The following THAP9 variants were observed in gnomAD, a reference collection of about 807,000 sequenced individuals.
THAP9 encodes DNA transposase THAP9.
THAP9 carries 20 observed loss-of-function variants against 35.7 expected under a neutral mutation model. The observed-to-expected ratio is 0.56, with a 90% CI of 0.39 to 0.81. The LOEUF (loss-of-function observed/expected upper bound fraction) is 0.81, where lower values mean the gene tolerates loss of function less well. Ranked by LOEUF, THAP9 falls within the 40% of genes least tolerant of loss-of-function variation. THAP9 has a pLI of 0.00. For synonymous variants in THAP9, 335 were observed against 373.7 expected (o/e 0.90, Z 1.19); for missense variants, 870 against 1,047.4 (o/e 0.83, Z 2.34).
At chr4:82,900,966 G>T (rs1720320082) in intron 1 of THAP9, 84 bp downstream of exon 1, 1 of 1,497,574 alleles carries the variant, frequency 6.7e-7, no homozygotes, top group South Asian at 1.2e-5. Context: ...GGGCCGGGCC[G>T]CACTGTGGGT....
intron 4 of THAP9, among the ~76,000 whole-genome samples, chr4:82,915,179 T>C (rs1720996115): frequency 6.6e-6 from 1 of 152,224 alleles, no homozygotes; most frequent in Admixed American, 6.5e-5. Context: ...TTTTGTCTTC[T>C]AAATAGATTA....
At position 82,917,802 on chromosome 4, in the gene THAP9, ACTTAAAGGGCCT is replaced by A; in HGVS notation, c.1593_1604del (p.Lys532_Leu535del). The A allele has an allele frequency of 6.2e-7, 1 of 1,613,910 alleles. No homozygotes were observed. The highest frequency in any genetic ancestry group is 2.2e-5 in the East Asian group (1 of 44,876). ...ATAGTAGGAACTGTTATGGAAAGGG[ACTTAAAGGGCCT>A]CTGTTGCCTGAAACTTACAGTAAAA... is the stretch of plus-strand genomic sequence containing the variant. On this transcript the variant is annotated inframe_deletion, in exon 5 of 5. Coordinates refer to ENST00000302236, the MANE Select transcript of THAP9 (RefSeq NM_024672.6).
intron 2 of THAP9, among the ~76,000 whole-genome samples, chr4:82,905,646 T>C (rs1479435220): frequency 2.0e-5 from 3 of 152,188 alleles, no homozygotes; most frequent in African/African-American, 7.2e-5. Flanking sequence ...TATTAACTGA[T>C]TTGTACATTT....
chr4:82,905,986 C>G (rs1437140093), intron 2 of THAP9: 4 of 458,368 alleles, frequency 8.7e-6, no homozygotes, highest in Non-Finnish European at 1.7e-5. Context: ...GCACAAATAA[C>G]TTCTCTGTCA....
intron 4 of THAP9, among the ~76,000 whole-genome samples, chr4:82,909,674 A>G (rs544995843): frequency 1.4e-4 from 21 of 152,200 alleles, no homozygotes; most frequent in Non-Finnish European, 2.6e-4. Flanking sequence ...GTTTTTTCAT[A>G]TATTTTGATG....
In THAP9 at chr4:82,917,703, C is replaced by A; in HGVS notation, c.1491C>A (p.Asp497Glu). 6.2e-7 allele frequency: 1 copy of A among 1,613,134 alleles called. No homozygotes were observed. The highest frequency in any genetic ancestry group is 8.5e-7 in the Non-Finnish European group (1 of 1,179,516). The change falls in exon 5 of 5, where the codon GAC becomes GAA. Residue 497 changes from aspartate (D) to glutamate (E), a missense_variant. By Grantham distance (45) the Asp-to-Glu change is conservative. Coordinates refer to ENST00000302236, the MANE Select transcript of THAP9 (RefSeq NM_024672.6). Reference sequence around the variant, plus strand: ...CATTAGAATATTTGTTATCCTTAGACCTGCCACCTTTTCAAAACTGTATTG... The same window carrying A: ...CATTAGAATATTTGTTATCCTTAGAACTGCCACCTTTTCAAAACTGTATTG... Reference protein sequence around the residue: ...ASALEYLLSLDLPPFQNCIGT... With the variant: ...ASALEYLLSLELPPFQNCIGT...
intron 4 of THAP9, among the ~76,000 whole-genome samples, chr4:82,916,276 A>T (rs1721029972): frequency 6.6e-6 from 1 of 152,212 alleles, no homozygotes; most frequent in Admixed American, 6.5e-5. Context: ...CCAAAGATAG[A>T]CACCATTATA....
rs371024047 is a variant in THAP9, at chr4:82,900,926, G to T, written c.80+44G>T. 7 of 1,606,412 alleles carry T rather than the reference G, an allele frequency of 4.4e-6. No homozygotes were observed. The African/African-American group carries it at 8.0e-5, about 18-fold the overall frequency. On this transcript the variant is annotated intron_variant, in intron 1 of 4. Transcript: ENST00000302236. ...TCGAAGCCTTCGAACTCCCTGCGGG[G>T]CCCGGCGGGCCGTGGCGTGGCGTGG...
At chr4:82,906,188 C>A in intron 2 of THAP9, 136 bp from the exon 3 acceptor site, 1 of 694,824 alleles carries the variant, frequency 1.4e-6, no homozygotes, top group African/African-American at 1.8e-5. Context: ...TTAAAACATT[C>A]AGAGATTATG....
chr4:82,915,829 C>T (rs1481879189), intron 4 of THAP9, among the ~76,000 whole-genome samples: 2 of 151,790 alleles, frequency 1.3e-5, no homozygotes, highest in African/African-American at 4.8e-5. Context: ...ACTGTATTTT[C>T]TCTCCATGCA....
In THAP9 at chr4:82,918,960, A is replaced by G. The variant is rs994587306; in HGVS notation, c.*36A>G. Reference sequence around the variant, plus strand: ...ATATATTAACATTTTAATTAAGAATACTTGATCAACATTTTTTGAAGTTCA... The same window carrying G: ...ATATATTAACATTTTAATTAAGAATGCTTGATCAACATTTTTTGAAGTTCA... On this transcript the variant is annotated 3_prime_UTR_variant, in exon 5 of 5. Transcript: ENST00000302236. 1 of 1,445,922 alleles carries G rather than the reference A, an allele frequency of 6.9e-7. No individual in the cohort carries two copies. Among genetic ancestry groups the G allele is most frequent in the East Asian group, 2.3e-5 (1 of 43,624 alleles). The allele number at this position is 1,445,922 out of a possible 1,614,324, so 89.6% of individuals were successfully genotyped here. A position where few individuals can be genotyped will look rare whatever the true frequency, so the allele number is the denominator to read the frequency against.
chr4:82,905,757 A>G, intron 2 of THAP9: 1 of 403,490 alleles, frequency 2.5e-6, no homozygotes, highest in Non-Finnish European at 4.9e-6. Context: ...AATGGCTGCC[A>G]TGTGTTGAGA....
intron 2 of THAP9, among the ~76,000 whole-genome samples, chr4:82,905,260 T>C (rs1720598227): frequency 6.6e-6 from 1 of 152,116 alleles, no homozygotes; most frequent in African/African-American, 2.4e-5. Context: ...ACTTTGAAAT[T>C]ATCTATGTTT....
In THAP9 at chr4:82,919,032, T is replaced by C; in HGVS notation, c.*108T>C. The C allele has an allele frequency of 1.1e-6, 1 of 893,866 alleles. No homozygotes were observed. The highest frequency in any genetic ancestry group is 1.6e-6 in the Non-Finnish European group (1 of 606,214). The allele number at this position is 893,866 out of a possible 1,614,324, so 55.4% of individuals were successfully genotyped here. ...GCGCATTCTGCACAGTGGACAAGTT[T>C]GCAATTCTGACTTATTAAAATTTCA... On this transcript the variant is annotated 3_prime_UTR_variant, in exon 5 of 5. Coordinates refer to ENST00000302236, the MANE Select transcript of THAP9 (RefSeq NM_024672.6).
intron 4 of THAP9, among the ~76,000 whole-genome samples, chr4:82,912,073 G>A (rs1367764673): frequency 6.6e-6 from 1 of 152,146 alleles, no homozygotes; most frequent in Non-Finnish European, 1.5e-5. Flanking sequence ...CTTTACTGAT[G>A]TTGGATCCTT....
intron 4 of THAP9, chr4:82,913,428 C>T (rs1337249959): frequency 6.6e-6 from 1 of 152,030 alleles, no homozygotes; most frequent in African/African-American, 2.4e-5. Flanking sequence ...ATCCTTGGTG[C>T]TCATTTGAGA....
At position 82,918,307 on chromosome 4, in the gene THAP9, T is replaced by C; in HGVS notation, c.2095T>C (p.Cys699Arg). 1.2e-6 allele frequency: 2 copies of C among 1,614,172 alleles called. No individual in the cohort carries two copies. The highest frequency in any genetic ancestry group is 1.7e-6 in the Non-Finnish European group (2 of 1,179,990). Residue 699 changes from cysteine (C) to arginine (R), a missense_variant, in exon 5 of 5, where the codon TGT becomes CGT. Physicochemically the swap from Cys to Arg is radical, Grantham distance 180 (BLOSUM62 -3). This residue lies in a region of THAP9 where 414 missense variants were observed against 500.8 expected (regional missense o/e 0.83). Coordinates refer to ENST00000302236, the MANE Select transcript of THAP9 (RefSeq NM_024672.6). ...EEGICQDWSHCSLSEALLDLS... is the reference protein window; with the variant it reads ...EEGICQDWSHRSLSEALLDLS... ...GGGTATTTGTCAAGACTGGTCTCAT[T>C]GTTCACTAAGTGAGGCATTACTAGA... is the stretch of plus-strand genomic sequence containing the variant.
chr4:82,901,558 A>AG (rs1720377115), intron 1 of THAP9, among the ~76,000 whole-genome samples: 1 of 152,192 alleles, frequency 6.6e-6, no homozygotes, highest in Non-Finnish European at 1.5e-5. Context: ...GGGGGTAGGA[A>AG]GAGGGTAGTT....
chr4:82,906,056 C>T, intron 2 of THAP9: 2 of 413,434 alleles, frequency 4.8e-6, no homozygotes, highest in East Asian at 5.6e-5. Context: ...TTCCATGAAG[C>T]CATCCCAGTT....
Sources: allele counts gnomAD v4.1 joint callset (sites outside exome capture counted in the v4.1 genomes callset), GRCh38; gene constraint gnomAD v4.1.1; regional missense constraint gnomAD v4.1.1; transcripts MANE v1.5; gene names NCBI Gene and HGNC (gene_info 2026-07-23, HGNC 2026-07-21).